Variants in ANK2 observed in about 807,000 individuals in gnomAD.
The protein encoded by ANK2 is ankyrin 2.
A neutral mutation model predicts 360.5 loss-of-function variants in ANK2; 83 were observed. The observed-to-expected ratio is 0.23, with a 90% CI of 0.19 to 0.28. ANK2 has a LOEUF of 0.28. Ranked by LOEUF, ANK2 falls within the 10% of genes least tolerant of loss-of-function variation. The probability of loss-of-function intolerance (pLI) is 1.00; values close to 1 mark genes in which losing one functional copy is unlikely to be tolerated. For synonymous variants in ANK2, 1,740 were observed against 1,759.5 expected (o/e 0.99, Z 0.28); for missense variants, 4,201 against 4,795.7 (o/e 0.88, Z 3.66).
At chr4:112,885,496 C>CAAA (rs11429383) in intron 1 of ANK2, among the ~76,000 whole-genome samples, 1,461 of 123,028 alleles carry the variant, frequency 0.012, 28 homozygotes, top group African/African-American at 0.039. Flanking sequence ...AAGACTCCAT[C>CAAA]AAAAAAAAAA....
intron 1 of ANK2, among the ~76,000 whole-genome samples, chr4:113,152,572 T>C (rs187421029): frequency 5.3e-5 from 8 of 152,292 alleles, no homozygotes; most frequent in Admixed American, 5.2e-4. Flanking sequence ...CTTCATATCA[T>C]ATTTGTGTGG....
At chr4:113,132,530 C>T (rs2096114454) in intron 1 of ANK2, among the ~76,000 whole-genome samples, 1 of 152,148 alleles carries the variant, frequency 6.6e-6, no homozygotes, top group Non-Finnish European at 1.5e-5. Context: ...CACAGAACTA[C>T]TTTGTACCCT....
At chr4:112,730,906 G>A in the ANK2 span, among the ~76,000 whole-genome samples, 9 of 151,368 alleles carry the variant, frequency 5.9e-5, no homozygotes, top group African/African-American at 1.9e-4. Flanking sequence ...TTGGGAGGCC[G>A]AGGAGGGAGG....
chr4:112,744,053 G>T, the ANK2 span, among the ~76,000 whole-genome samples: 5 of 151,312 alleles, frequency 3.3e-5, no homozygotes, highest in African/African-American at 1.2e-4. Context: ...GGCCAGGCTG[G>T]TCTCGAATTC....
At chr4:112,976,425 C>T (rs1333063026) in intron 2 of ANK2, among the ~76,000 whole-genome samples, 3 of 152,074 alleles carry the variant, frequency 2.0e-5, no homozygotes, top group Non-Finnish European at 4.4e-5. Flanking sequence ...AACTCCTGAC[C>T]TCATGTGATC....
Position 113,277,185 on chromosome 4 carries a change from C to T in ANK2, c.1684-652C>T, listed in dbSNP as rs112268260. 6.7e-3 allele frequency among the ~76,000 whole-genome samples: 1,013 copies of T among 152,296 alleles called. 10 individuals are homozygous for T. The highest frequency in any genetic ancestry group is 0.023 in the African/African-American group (958 of 41,570). On this transcript the variant is annotated intron_variant, in intron 15 of 45. Coordinates refer to ENST00000357077, the MANE Select transcript of ANK2 (RefSeq NM_001148.6). ...GTGTGTTTAAAAGTCTGGTGTTAAT[C>T]AGCCCAACATCATGCCAGAAGTAGA... is the stretch of plus-strand genomic sequence containing the variant.
chr4:112,761,397 G>A, the ANK2 span, among the ~76,000 whole-genome samples: 6 of 152,028 alleles, frequency 3.9e-5, no homozygotes, highest in Non-Finnish European at 8.8e-5. Flanking sequence ...GAGGCGGGTG[G>A]ATCACGAGGT....
chr4:112,751,675 A>C, the ANK2 span, among the ~76,000 whole-genome samples: 1 of 152,144 alleles, frequency 6.6e-6, no homozygotes, highest in African/African-American at 2.4e-5. Context: ...AAAATGTAGG[A>C]ACAGGAATGC....
At chr4:113,256,093 C>T (rs924420850) in intron 11 of ANK2, among the ~76,000 whole-genome samples, 161 bp downstream of exon 11, 2 of 152,226 alleles carry the variant, frequency 1.3e-5, no homozygotes, top group African/African-American at 4.8e-5. Context: ...TTCATACATT[C>T]ATAGTTTGTT....
intron 22 of ANK2, among the ~76,000 whole-genome samples, chr4:113,294,519 G>C (rs1290152501): frequency 2.0e-5 from 3 of 152,186 alleles, no homozygotes; most frequent in Non-Finnish European, 4.4e-5. Context: ...GAAATGCTTG[G>C]TGTTTTTGAC....
In ANK2 at chr4:113,369,628, C is replaced by T. The variant is rs2154066363; in HGVS notation, c.11433C>T (p.Tyr3811=). 6.2e-7 allele frequency: 1 copy of T among 1,614,096 alleles called. No individual in the cohort carries two copies. The highest frequency in any genetic ancestry group is 8.5e-7 in the Non-Finnish European group (1 of 1,180,008). ...VSTPAEEEKL[Y]LQTPTSSERG... is the part of the protein sequence containing the mutation. Reference sequence around the variant, plus strand: ...CCCCTGCAGAGGAGGAGAAGCTGTACCTCCAGACCCCAACATCCAGCGAGC... The same window carrying T: ...CCCCTGCAGAGGAGGAGAAGCTGTATCTCCAGACCCCAACATCCAGCGAGC... Residue 3811 remains tyrosine (Y), a synonymous_variant, in exon 43 of 46, where the codon TAC becomes TAT. Transcript: ENST00000357077.
chr4:113,353,600 A>G lies in ANK2; in HGVS notation c.4982A>G (p.Lys1661Arg), dbSNP rs761759361. The change falls in exon 38 of 46, where the codon AAG (lysine) becomes AGG (arginine). Residue 1661 changes from lysine to arginine, a missense_variant. By Grantham distance (26) the Lys-to-Arg change is conservative. Coordinates refer to ENST00000357077, the MANE Select transcript of ANK2 (RefSeq NM_001148.6). Reference sequence around the variant, plus strand: ...GAGCAGCTGCAGACAGTTCAAGATAAGGCAGGGAAGAAATGTGAGGCTCTG... The same window carrying G: ...GAGCAGCTGCAGACAGTTCAAGATAGGGCAGGGAAGAAATGTGAGGCTCTG... ...PKEQLQTVQD[K>R]AGKKCEALAV... 43 of 1,613,976 alleles carry G rather than the reference A, an allele frequency of 2.7e-5. No individual in the cohort carries two copies. Among genetic ancestry groups the G allele is most frequent in the Non-Finnish European group, 3.4e-5 (40 of 1,179,982 alleles).
chr4:112,925,334 T>G (rs1241552337), intron 2 of ANK2, among the ~76,000 whole-genome samples: 1 of 152,226 alleles, frequency 6.6e-6, no homozygotes, highest in East Asian at 1.9e-4. Flanking sequence ...TGCTTCAGTT[T>G]GTCTCTCAAG....
intron 2 of ANK2, among the ~76,000 whole-genome samples, chr4:113,015,987 G>A (rs2056502515): frequency 6.6e-6 from 1 of 152,020 alleles, no homozygotes; most frequent in South Asian, 2.1e-4. Context: ...CCATTTGAGA[G>A]ACTCATCAGA....
chr4:112,958,631 G>A (rs2032740573), intron 2 of ANK2, among the ~76,000 whole-genome samples: 1 of 151,750 alleles, frequency 6.6e-6, no homozygotes, highest in Admixed American at 6.6e-5. Context: ...GGGGGGAGAG[G>A]GAGAGGGAGA....
intron 17 of ANK2, among the ~76,000 whole-genome samples, chr4:113,280,490 C>A (rs1263376638): frequency 1.3e-5 from 2 of 152,114 alleles, no homozygotes; most frequent in Non-Finnish European, 2.9e-5. Flanking sequence ...TGAACATGAG[C>A]CCTTCATCTT....
At chr4:112,799,808 G>A in the ANK2 span, among the ~76,000 whole-genome samples, 1 of 144,656 alleles carries the variant, frequency 6.9e-6, no homozygotes, top group South Asian at 2.2e-4. Context: ...GTGAGCCACC[G>A]CGCCCAGCCC....
intron 1 of ANK2, among the ~76,000 whole-genome samples, chr4:113,070,452 G>A (rs1258861693): frequency 4.6e-5 from 7 of 152,006 alleles, no homozygotes. Flanking sequence ...AAGTATAAAT[G>A]CATTGTCCCA....
At chr4:113,213,765 G>A (rs1350268718) in intron 4 of ANK2, among the ~76,000 whole-genome samples, 2 of 151,990 alleles carry the variant, frequency 1.3e-5, no homozygotes, top group Non-Finnish European at 2.9e-5. Context: ...GGAATATCAG[G>A]TTCTTTGCAG....
Sources: allele counts gnomAD v4.1 joint callset (sites outside exome capture counted in the v4.1 genomes callset), GRCh38; gene constraint gnomAD v4.1.1; transcripts MANE v1.5; gene names NCBI Gene and HGNC (gene_info 2026-07-23, HGNC 2026-07-21).